The following SMOC2 variants were observed in gnomAD, a reference collection of about 807,000 sequenced individuals.
SMOC2 encodes the protein SPARC related modular calcium binding 2.
A neutral mutation model predicts 61.4 loss-of-function variants in SMOC2; 39 were observed. That is an observed-to-expected ratio of 0.64 (90% CI 0.49 to 0.83). The LOEUF (loss-of-function observed/expected upper bound fraction) is 0.83. Among genes scored for constraint, SMOC2 ranks in the 40% least tolerant of loss-of-function variants. The pLI is 0.00. For synonymous variants in SMOC2, 247 were observed against 239.9 expected (o/e 1.03, Z -0.27); for missense variants, 556 against 592.9 (o/e 0.94, Z 0.65).
intron 7 of SMOC2, among the ~76,000 whole-genome samples, chr6:168,575,078 G>A (rs1364458432): frequency 6.6e-6 from 1 of 152,166 alleles, no homozygotes; most frequent in Non-Finnish European, 1.5e-5. Context: ...TCTGGGAGGC[G>A]GGAGGAAGTG....
chr6:168,619,886 C>T (rs1421262440), intron 9 of SMOC2, among the ~76,000 whole-genome samples: 1 of 152,242 alleles, frequency 6.6e-6, no homozygotes, highest in Non-Finnish European at 1.5e-5. Context: ...CTTCAGTTTA[C>T]ACGCTCTGTG....
chr6:168,637,867 A>G (rs1786781605), intron 9 of SMOC2, among the ~76,000 whole-genome samples: 1 of 152,188 alleles, frequency 6.6e-6, no homozygotes, highest in African/African-American at 2.4e-5. Context: ...AGCTGGGCCT[A>G]CGGAGGCCTC....
chr6:168,538,331 G>T (rs13199354), intron 4 of SMOC2, among the ~76,000 whole-genome samples: 1 of 110,864 alleles, frequency 9.0e-6, no homozygotes, highest in South Asian at 3.1e-4. Flanking sequence ...GGGGAGTGGG[G>T]TGACCGCTGC....
At chr6:168,664,611 A>G (rs1202595182) in intron 12 of SMOC2, 1 of 421,574 alleles carries the variant, frequency 2.4e-6, no homozygotes, top group Non-Finnish European at 4.8e-6. Context: ...AAGCAGGTGC[A>G]TTTCTGCTTC....
intron 1 of SMOC2, among the ~76,000 whole-genome samples, chr6:168,479,735 A>G (rs542501526): frequency 6.6e-5 from 10 of 152,290 alleles, no homozygotes; most frequent in African/African-American, 2.2e-4. Context: ...CTGTGCTGTG[A>G]ATGTTGATTG....
chr6:168,659,246 A>G (rs1266844725), intron 11 of SMOC2, among the ~76,000 whole-genome samples: 1 of 152,074 alleles, frequency 6.6e-6, no homozygotes, highest in African/African-American at 2.4e-5. Context: ...TCAGGAGACA[A>G]TTGAAAAGAT....
At chr6:168,539,459 A>G (rs576049165) in intron 4 of SMOC2, among the ~76,000 whole-genome samples, 10 of 152,310 alleles carry the variant, frequency 6.6e-5, no homozygotes, top group South Asian at 4.1e-4. Flanking sequence ...TGGTCCGTTC[A>G]TAAGTGGGAA....
intron 1 of SMOC2, among the ~76,000 whole-genome samples, chr6:168,505,562 G>A (rs997792122): frequency 3.3e-5 from 5 of 152,206 alleles, no homozygotes; most frequent in African/African-American, 1.2e-4. Context: ...ATGAATGAGT[G>A]AATGGAATGT....
rs894636511 is a variant in SMOC2 at position 168,661,743 on chromosome 6, A to T, written c.1286-2331A>T. Among the ~76,000 whole-genome samples, 25 of 152,230 alleles carry T rather than the reference A, an allele frequency of 1.6e-4. 1 individual carries two copies. Among genetic ancestry groups the T allele is most frequent in the Admixed American group, 1.6e-3 (24 of 15,292 alleles). The stretch of plus-strand genomic sequence containing the variant: ...AGCAAGCAATACAAAAAAAACTGGC[A>T]ATTGTTGAATAGCCAAATTGGCTCA... On this transcript the variant is annotated intron_variant, in intron 11 of 12. Coordinates refer to ENST00000356284, the MANE Select transcript of SMOC2 (RefSeq NM_001166412.2).
intron 7 of SMOC2, among the ~76,000 whole-genome samples, chr6:168,571,055 A>C (rs556489693): frequency 6.6e-6 from 1 of 152,304 alleles, no homozygotes; most frequent in Non-Finnish European, 1.5e-5. Context: ...TTGCAGTGAC[A>C]GTGGCGCATG....
At chr6:168,543,499 A>T in intron 4 of SMOC2, 126 bp from the exon 5 acceptor site, 1 of 773,992 alleles carries the variant, frequency 1.3e-6, no homozygotes, top group Non-Finnish European at 2.2e-6. Context: ...TACAGAATTT[A>T]AGTAGAACAT....
intron 7 of SMOC2, among the ~76,000 whole-genome samples, chr6:168,556,501 C>G (rs1325751509): frequency 6.6e-6 from 1 of 152,150 alleles, no homozygotes; most frequent in Non-Finnish European, 1.5e-5. Context: ...ATTTCACATC[C>G]CACGCGGGCG....
intron 1 of SMOC2, among the ~76,000 whole-genome samples, chr6:168,495,783 T>A (rs1300253037): frequency 6.6e-6 from 1 of 151,940 alleles, no homozygotes; most frequent in South Asian, 2.1e-4. Context: ...CTCACCCACC[T>A]GCAGGGTTCA....
chr6:168,565,819 A>G (rs59579250), intron 7 of SMOC2, among the ~76,000 whole-genome samples: 2,157 of 152,272 alleles, frequency 0.014, 47 homozygotes, highest in African/African-American at 0.049. Context: ...CGGCTTTACA[A>G]TAGGAATGCT....
intron 1 of SMOC2, among the ~76,000 whole-genome samples, chr6:168,502,335 C>T (rs1241973204): frequency 6.6e-6 from 1 of 152,202 alleles, no homozygotes; most frequent in East Asian, 1.9e-4. Flanking sequence ...CACATGGCTC[C>T]ATACACGTCC....
rs16887008 is a variant in SMOC2 at position 168,502,254 on chromosome 6, T to C, written c.85-7661T>C. ...TTTCTCGTGCACTATCACATTTTGT[T>C]TTCACGATCATCTTTATGAAACAGG... On this transcript the variant is annotated intron_variant, in intron 1 of 12. Coordinates refer to ENST00000356284, the MANE Select transcript of SMOC2 (RefSeq NM_001166412.2). 7.8e-3 allele frequency among the ~76,000 whole-genome samples: 1,183 copies of C among 152,378 alleles called. 14 individuals are homozygous for C. The highest frequency in any genetic ancestry group is 0.026 in the African/African-American group (1,063 of 41,596).
intron 2 of SMOC2, among the ~76,000 whole-genome samples, chr6:168,524,393 G>A (rs1376069044): frequency 6.6e-6 from 1 of 152,090 alleles, no homozygotes; most frequent in Non-Finnish European, 1.5e-5. Flanking sequence ...CGTAAACTTG[G>A]AATTTAATAT....
chr6:168,554,820 C>T (rs1024911736), intron 7 of SMOC2, among the ~76,000 whole-genome samples: 1 of 152,204 alleles, frequency 6.6e-6, no homozygotes, highest in Non-Finnish European at 1.5e-5. Flanking sequence ...GTCGGCTGCC[C>T]AACTACATTC....
chr6:168,576,598 C>T (rs1451368064), intron 7 of SMOC2, among the ~76,000 whole-genome samples: 2 of 152,018 alleles, frequency 1.3e-5, no homozygotes, highest in Non-Finnish European at 2.9e-5. Context: ...ACCAAATGGA[C>T]GCATCACAGG....
Sources: allele counts gnomAD v4.1 joint callset (sites outside exome capture counted in the v4.1 genomes callset), GRCh38; gene constraint gnomAD v4.1.1; transcripts MANE v1.5; gene names NCBI Gene and HGNC (gene_info 2026-07-23, HGNC 2026-07-21).